RUNDC3B: variants seen among roughly 807,000 people sequenced by gnomAD.
RUNDC3B encodes the protein RUN domain containing 3B.
Under a neutral mutation model 58.4 loss-of-function variants are expected in RUNDC3B, and 33 were observed. The ratio of observed to expected loss-of-function variants is 0.56; its 90% confidence interval spans 0.43 to 0.75. The LOEUF (loss-of-function observed/expected upper bound fraction) is 0.75, where lower values mean the gene tolerates loss of function less well. RUNDC3B is among the 30% of genes least tolerant of loss of function. RUNDC3B has a pLI of 0.00. For synonymous variants in RUNDC3B, 193 were observed against 195.2 expected, an observed-to-expected ratio of 0.99 and a Z score of 0.10; for missense variants, 501 against 535.7, an observed-to-expected ratio of 0.94 and a Z score of 0.64.
intron 6 of RUNDC3B, among the ~76,000 whole-genome samples, chr7:87,751,905 A>C (rs944610834): frequency 1.2e-3 from 187 of 152,128 alleles, no homozygotes; most frequent in South Asian, 2.1e-3. Context: ...GAACTTCCAA[A>C]ACTATGTTGA....
Position 87,830,206 on chromosome 7 carries a change from A to G in RUNDC3B, c.*176A>G, listed in dbSNP as rs1166994581. On this transcript the variant is annotated 3_prime_UTR_variant, in exon 11 of 11. Coordinates refer to ENST00000394654, the MANE Select transcript of RUNDC3B (RefSeq NM_001134405.2). ...GAGTGAAAAACATAATGATCCTGCC[A>G]TTTTTCATTTTTAAAATTCTTACAT... 21 of 382,676 alleles carry G rather than the reference A, an allele frequency of 5.5e-5. No individual in the cohort carries two copies. The highest frequency in any genetic ancestry group is 6.6e-4 in the Middle Eastern group (1 of 1,514). The allele number at this position is 382,676 out of a possible 1,614,324, so 23.7% of individuals were successfully genotyped here.
intron 4 of RUNDC3B, among the ~76,000 whole-genome samples, chr7:87,711,191 T>G (rs922662757): frequency 6.6e-6 from 1 of 151,952 alleles, no homozygotes; most frequent in Non-Finnish European, 1.5e-5. Flanking sequence ...CCAGGCATGG[T>G]GGTGCATGCC....
At chr7:87,703,877 A>T in intron 3 of RUNDC3B, among the ~76,000 whole-genome samples, 2 of 26,402 alleles carry the variant, frequency 7.6e-5, no homozygotes, top group African/African-American at 1.5e-4. Flanking sequence ...GAGCTTTATC[A>T]GTTTTTTCTT....
At chr7:87,757,411 A>G (rs1352396099) in intron 6 of RUNDC3B, among the ~76,000 whole-genome samples, 2 of 152,174 alleles carry the variant, frequency 1.3e-5, no homozygotes, top group African/African-American at 4.8e-5. Flanking sequence ...ATGAAAAAGA[A>G]ACAAGGAAAG....
intron 3 of RUNDC3B, among the ~76,000 whole-genome samples, chr7:87,706,744 G>A (rs1007255063): frequency 3.9e-5 from 6 of 152,296 alleles, no homozygotes; most frequent in Non-Finnish European, 4.4e-5. Flanking sequence ...AACAGAAGTT[G>A]GAGCTTGGAA....
rs576034835 is a variant in RUNDC3B, at chr7:87,771,311, C to A, written c.798+562C>A. Reference sequence around the variant, plus strand: ...CAATGGAATTAGTGATAGAAATATTCAAAAAATTAAAAATGCAGTGGGGAA... The same window carrying A: ...CAATGGAATTAGTGATAGAAATATTAAAAAAATTAAAAATGCAGTGGGGAA... On this transcript the variant is annotated intron_variant, in intron 7 of 10. Coordinates refer to ENST00000394654, the MANE Select transcript of RUNDC3B (RefSeq NM_001134405.2). Among the ~76,000 whole-genome samples, 3 of 151,538 alleles carry A rather than the reference C, an allele frequency of 2.0e-5. No individual in the cohort carries two copies. The South Asian group carries it at 6.3e-4, about 32-fold the overall frequency.
chr7:87,682,144 T>C (rs1394718092), intron 2 of RUNDC3B, among the ~76,000 whole-genome samples: 1 of 152,228 alleles, frequency 6.6e-6, no homozygotes, highest in Non-Finnish European at 1.5e-5. Flanking sequence ...CTGTTCAAGT[T>C]TGATCATAAG....
chr7:87,722,743 A>G (rs1040760861), intron 4 of RUNDC3B, among the ~76,000 whole-genome samples: 10 of 152,178 alleles, frequency 6.6e-5, no homozygotes, highest in Non-Finnish European at 1.5e-4. Context: ...GGAATCAGTG[A>G]AATTATTTGA....
chr7:87,787,103 A>G (rs1311057153), intron 8 of RUNDC3B, among the ~76,000 whole-genome samples: 4 of 152,160 alleles, frequency 2.6e-5, no homozygotes, highest in African/African-American at 9.7e-5. Context: ...AACCACTTTC[A>G]AGGATACTGA....
In RUNDC3B at chr7:87,708,143, GA is replaced by G. The variant is rs1472436248; in HGVS notation, c.373-2424del. On this transcript the variant is annotated intron_variant, in intron 3 of 10. Coordinates refer to ENST00000394654, the MANE Select transcript of RUNDC3B (RefSeq NM_001134405.2). ...ACATTAAAGTCAAAGTAGAAGGAAA[GA>G]AATAACAGTAAAAATTCAATAAAAT... Among the ~76,000 whole-genome samples, 255 of 152,014 alleles carry G rather than the reference GA, an allele frequency of 1.7e-3. 4 individuals are homozygous for G. Among genetic ancestry groups the G allele is most frequent in the Non-Finnish European group, 1.2e-4 (8 of 67,950 alleles).
chr7:87,715,387 T>TATTAATTATATAATC (rs1474642437), intron 4 of RUNDC3B, among the ~76,000 whole-genome samples: 40 of 111,024 alleles, frequency 3.6e-4, no homozygotes, highest in Non-Finnish European at 4.7e-4. Context: ...ATAATCAATA[T>TATTAATTATATAATC]AATATAATAT....
intron 2 of RUNDC3B, among the ~76,000 whole-genome samples, chr7:87,687,248 A>G (rs1032107933): frequency 8.5e-5 from 13 of 152,076 alleles, no homozygotes; most frequent in Admixed American, 1.3e-4. Flanking sequence ...TGACTATATC[A>G]GGCACATTCT....
intron 4 of RUNDC3B, among the ~76,000 whole-genome samples, chr7:87,710,952 A>G (rs1563153470): frequency 6.6e-6 from 1 of 152,150 alleles, no homozygotes; most frequent in Non-Finnish European, 1.5e-5. Context: ...CTATTCCCTG[A>G]TGGATTTGAA....
intron 9 of RUNDC3B, among the ~76,000 whole-genome samples, chr7:87,807,932 C>T (rs912540586): frequency 3.3e-5 from 5 of 151,910 alleles, no homozygotes; most frequent in African/African-American, 7.3e-5. Context: ...TTTTAGAAAC[C>T]GTAGAAGATA....
intron 1 of RUNDC3B, among the ~76,000 whole-genome samples, chr7:87,650,427 G>A (rs1823459710): frequency 6.6e-6 from 1 of 152,138 alleles, no homozygotes; most frequent in Non-Finnish European, 1.5e-5. Context: ...CACCTTCTGT[G>A]TGTCTTTACA....
chr7:87,796,512 T>C (rs1336037013), intron 8 of RUNDC3B, among the ~76,000 whole-genome samples: 5 of 152,192 alleles, frequency 3.3e-5, no homozygotes, highest in African/African-American at 1.2e-4. Context: ...GGCCCTACTC[T>C]TCATGATGTG....
chr7:87,709,438 G>T (rs1466268354), intron 3 of RUNDC3B: 10 of 985,170 alleles, frequency 1.0e-5, no homozygotes, highest in Non-Finnish European at 1.2e-5. Context: ...CTAACTGCAG[G>T]TTCCCCTAGG....
Position 87,662,243 on chromosome 7 carries a change from C to G in RUNDC3B, c.238+11306C>G, listed in dbSNP as rs116389423. Among the ~76,000 whole-genome samples, 976 of 152,118 alleles carry G rather than the reference C, an allele frequency of 6.4e-3. 15 individuals carry two copies. Among genetic ancestry groups the G allele is most frequent in the African/African-American group, 0.021 (881 of 41,530 alleles). Reference sequence around the variant, plus strand: ...GATTGTTTACTTTGCAGTGCAGAAGCTTTTTAACTTGATGTGATCTCACTT... The same window carrying G: ...GATTGTTTACTTTGCAGTGCAGAAGGTTTTTAACTTGATGTGATCTCACTT... On this transcript the variant is annotated intron_variant, in intron 2 of 10. Coordinates refer to ENST00000394654, the MANE Select transcript of RUNDC3B (RefSeq NM_001134405.2).
intron 4 of RUNDC3B, among the ~76,000 whole-genome samples, chr7:87,713,560 T>G (rs1184854205): frequency 6.6e-6 from 1 of 150,842 alleles, no homozygotes; most frequent in Non-Finnish European, 1.5e-5. Context: ...AAGAGTTACA[T>G]GGCTTAGGGA....
Sources: gnomAD v4.1 joint callset for allele counts (sites outside exome capture counted in the v4.1 genomes callset) on GRCh38, gnomAD v4.1.1 for gene constraint, MANE v1.5 for transcripts, NCBI Gene and HGNC (gene_info 2026-07-23, HGNC 2026-07-21) for gene names.